SEMA4F: variants seen among roughly 807,000 people sequenced by gnomAD.
SEMA4F encodes semaphorin-4F.
A neutral mutation model predicts 78.4 loss-of-function variants in SEMA4F; 51 were observed. That is an observed-to-expected ratio of 0.65 (90% CI 0.52 to 0.82). The LOEUF is 0.82. SEMA4F is among the 40% of genes least tolerant of loss of function. The probability of loss-of-function intolerance (pLI) is 0.00; values close to 1 mark genes in which losing one functional copy is unlikely to be tolerated. For missense variants in SEMA4F, 938 were observed against 1,014.4 expected, an observed-to-expected ratio of 0.92 and a Z score of 1.02; for synonymous variants, 418 against 408.7, an observed-to-expected ratio of 1.02 and a Z score of -0.27.
At chr2:74,671,304 G>A (rs2104978596) in intron 5 of SEMA4F, among the ~76,000 whole-genome samples, 1 of 152,340 alleles carries the variant, frequency 6.6e-6, no homozygotes, top group Non-Finnish European at 1.5e-5. Context: ...TGCATAGAGT[G>A]TTTCTTCAGT....
intron 5 of SEMA4F, among the ~76,000 whole-genome samples, chr2:74,663,218 T>C (rs957847600): frequency 2.6e-5 from 4 of 152,228 alleles, no homozygotes; most frequent in South Asian, 2.1e-4. Flanking sequence ...CTTTATGTAA[T>C]GATGGAAATG....
At chr2:74,673,383 C>A in intron 5 of SEMA4F, 74 bp from the exon 6 acceptor site, 7 of 1,584,146 alleles carry the variant, frequency 4.4e-6, no homozygotes, top group Non-Finnish European at 6.0e-6. Context: ...GCTTTATGCC[C>A]TACTCTGCCT....
Position 74,683,288 on chromosome 2 carries a change from C to T in SEMA4F, c.*3079C>T, listed in dbSNP as rs1305677575. ...TCTGTCAAGTAAGGGCCACTAATCA[C>T]CTCACATGGGTTCATCTGAACTTTA... On this transcript the variant is annotated 3_prime_UTR_variant, in exon 14 of 14. Coordinates refer to ENST00000357877, the MANE Select transcript of SEMA4F (RefSeq NM_004263.5). 1.3e-5 allele frequency: 2 copies of T among 152,224 alleles called. No individual in the cohort carries two copies. Among genetic ancestry groups the T allele is most frequent in the African/African-American group, 4.8e-5 (2 of 41,454 alleles). The allele number at this position is 152,224 out of a possible 1,614,324, so 9.4% of individuals were successfully genotyped here. A position where few individuals can be genotyped will look rare whatever the true frequency, so the allele number is the denominator to read the frequency against.
At chr2:74,656,391 C>T (rs1684137115) in intron 1 of SEMA4F, 143 bp from the exon 2 acceptor site, 3 of 709,866 alleles carry the variant, frequency 4.2e-6, no homozygotes, top group East Asian at 5.1e-5. Context: ...CTCTGGTTCA[C>T]TTGTCAAGGC....
chr2:74,669,708 A>G (rs995692631), intron 5 of SEMA4F, among the ~76,000 whole-genome samples: 7 of 152,314 alleles, frequency 4.6e-5, no homozygotes, highest in Middle Eastern at 3.4e-3. Context: ...CAGAATAGAA[A>G]TTTTAAACCC....
chr2:74,662,905 C>G lies in SEMA4F; in HGVS notation c.550+80C>G, dbSNP rs549123681. ...CCCTTGCTGTTAGAATTTCTGTGTT[C>G]TTTCTTACCTTGGAATGTCTATTAT... On this transcript the variant is annotated intron_variant, in intron 5 of 13. Transcript: ENST00000357877. The G allele has an allele frequency of 8.8e-5, 106 of 1,206,132 alleles. No homozygotes were observed. The African/African-American group carries it at 1.4e-3, about 16-fold the overall frequency. The allele number at this position is 1,206,132 out of a possible 1,614,324, so 74.7% of individuals were successfully genotyped here.
Position 74,675,630 on chromosome 2 carries a change from A to G in SEMA4F, c.1478A>G (p.Tyr493Cys), listed in dbSNP as rs376912611. ...CAGCCAGTTGAGAACATGAAATTGT[A>G]CCACGTGAGTTGTAGATTTTGGAGA... ...EPQPVENMKL[Y>C]HSWLLVGSRT... The change falls in exon 11 of 14, where the codon TAC becomes TGC. Residue 493 changes from tyrosine (Y) to cysteine (C), a missense_variant. Transcript: ENST00000357877. The G allele has an allele frequency of 1.4e-5, 22 of 1,613,870 alleles. No individual in the cohort carries two copies. In the African/African-American group the frequency reaches 2.4e-4, roughly 18 times the overall value.
intron 12 of SEMA4F, among the ~76,000 whole-genome samples, chr2:74,676,317 A>G (rs1685278743): frequency 1.3e-5 from 2 of 152,130 alleles, no homozygotes; most frequent in South Asian, 2.1e-4. Flanking sequence ...GATATTCCTC[A>G]GGGTTCAGTC....
At chr2:74,706,477 G>A in the SEMA4F span, among the ~76,000 whole-genome samples, 4 of 152,120 alleles carry the variant, frequency 2.6e-5, no homozygotes, top group Admixed American at 1.3e-4. Flanking sequence ...GGGGAGATCT[G>A]GCTGCATAAT....
Position 74,658,098 on chromosome 2 carries a change from G to A in SEMA4F, c.456+147G>A. On this transcript the variant is annotated intron_variant, in intron 4 of 13. Coordinates refer to ENST00000357877, the MANE Select transcript of SEMA4F (RefSeq NM_004263.5). The surrounding 1 kb of genome is among the most constrained non-coding windows in gnomAD (Gnocchi z 4.3). The stretch of plus-strand genomic sequence containing the variant: ...AACCATTGTGCATGATAAGCATTGG[G>A]TGTAGGGGCTGTCCTCATGGGATGA... The A allele has an allele frequency of 2.8e-6, 2 of 719,388 alleles. No individual in the cohort carries two copies. The highest frequency in any genetic ancestry group is 4.9e-6 in the Non-Finnish European group (2 of 409,858). 44.6% of individuals were successfully genotyped at this position (719,388 alleles called of 1,614,324 possible). A position where few individuals can be genotyped will look rare whatever the true frequency, so the allele number is the denominator to read the frequency against.
chr2:74,670,642 A>G (rs1684937664), intron 5 of SEMA4F, among the ~76,000 whole-genome samples: 1 of 152,226 alleles, frequency 6.6e-6, no homozygotes, highest in African/African-American at 2.4e-5. Context: ...CTGCTTTACC[A>G]CATCTCCTAT....
the SEMA4F span, among the ~76,000 whole-genome samples, chr2:74,689,514 T>G: frequency 6.6e-6 from 1 of 152,200 alleles, no homozygotes. Context: ...AAATTTATTT[T>G]AAGGAAATAG....
chr2:74,703,531 G>A, the SEMA4F span, among the ~76,000 whole-genome samples: 1 of 152,222 alleles, frequency 6.6e-6, no homozygotes, highest in Non-Finnish European at 1.5e-5. Flanking sequence ...CTGCTGGGAA[G>A]CAGCTTGTGT....
chr2:74,668,693 C>T (rs908470245), intron 5 of SEMA4F, among the ~76,000 whole-genome samples: 2 of 151,530 alleles, frequency 1.3e-5, no homozygotes, highest in African/African-American at 4.8e-5. Context: ...TCACTGCAAC[C>T]TCCACCTCCT....
rs1685685449 is a variant in SEMA4F at position 74,682,682 on chromosome 2, C to T, written c.*2473C>T. 6.6e-6 allele frequency: 1 copy of T among 152,242 alleles called. No homozygotes were observed. Among genetic ancestry groups the T allele is most frequent in the Non-Finnish European group, 1.5e-5 (1 of 68,116 alleles). The allele number at this position is 152,242 out of a possible 1,614,324, so 9.4% of individuals were successfully genotyped here. ...TCAGCCTATCTTTCAACCCCACTCACTTGAGGTTGTGGCCTAGTTCCTCTT... is the reference window on the plus strand; with the variant it reads ...TCAGCCTATCTTTCAACCCCACTCATTTGAGGTTGTGGCCTAGTTCCTCTT... On this transcript the variant is annotated 3_prime_UTR_variant, in exon 14 of 14. Transcript: ENST00000357877.
Position 74,675,292 on chromosome 2 carries a change from T to C in SEMA4F, c.1280T>C (p.Leu427Pro), listed in dbSNP as rs1224942613. 2 of 1,614,174 alleles carry C rather than the reference T, an allele frequency of 1.2e-6. No homozygotes were observed. Among genetic ancestry groups the C allele is most frequent in the East Asian group, 2.2e-5 (1 of 44,888 alleles). Residue 427 changes from leucine (L) to proline (P), a missense_variant, in exon 10 of 14, where the codon CTG becomes CCG. Transcript: ENST00000357877. The part of the protein sequence containing the change: ...PVFPADGHPL[L>P]VTTDTAYLRV... ...TTTCCAGCTGATGGCCACCCCCTGC[T>C]GGTCACTACAGATACAGCCTATCTC...
At chr2:74,700,584 C>T in the SEMA4F span, among the ~76,000 whole-genome samples, 1 of 152,132 alleles carries the variant, frequency 6.6e-6, no homozygotes, top group African/African-American at 2.4e-5. Context: ...GGGAGGGATT[C>T]TTCCAAGTGC....
the SEMA4F span, among the ~76,000 whole-genome samples, chr2:74,690,571 C>T: frequency 1.3e-5 from 2 of 152,156 alleles, no homozygotes; most frequent in Non-Finnish European, 2.9e-5. Flanking sequence ...ATATGCATTA[C>T]ACTTGAATAT....
At position 74,673,795 on chromosome 2, in the gene SEMA4F, C is replaced by A; in HGVS notation, c.789C>A (p.Arg263=). 6.2e-7 allele frequency: 1 copy of A among 1,614,172 alleles called. No homozygotes were observed. Among genetic ancestry groups the A allele is most frequent in the Non-Finnish European group, 8.5e-7 (1 of 1,180,014 alleles). ...ETSRAFDSYE[R]IKVPRVARVC... The stretch of plus-strand genomic sequence containing the variant: ...CCCGAGCATTTGACTCATACGAGCG[C>A]ATTAAAGTCCCACGGGTGGCCCGTG... Residue 263 remains arginine (R), a synonymous_variant, in exon 7 of 14, where the codon CGC becomes CGA. Coordinates refer to ENST00000357877, the MANE Select transcript of SEMA4F (RefSeq NM_004263.5).
Sources: allele counts gnomAD v4.1 joint callset (sites outside exome capture counted in the v4.1 genomes callset), GRCh38; gene constraint gnomAD v4.1.1; non-coding constraint Gnocchi (gnomAD v3.1); transcripts MANE v1.5; gene names NCBI Gene and HGNC (gene_info 2026-07-23, HGNC 2026-07-21).